Variants in XXYLT1 observed in about 807,000 individuals in gnomAD.
The protein encoded by XXYLT1 is xyloside xylosyltransferase 1.
In XXYLT1, 20 loss-of-function variants were observed where a neutral mutation model predicts 28.9. The ratio of observed to expected loss-of-function variants is 0.69; its 90% CI spans 0.49 to 1.00. XXYLT1 has a LOEUF of 1.00. XXYLT1 is among the 50% of genes least tolerant of loss of function. The probability of loss-of-function intolerance (pLI) is 0.00; values close to 1 mark genes in which losing one functional copy is unlikely to be tolerated. For missense variants in XXYLT1, 542 were observed against 560.1 expected (o/e 0.97, Z 0.33); for synonymous variants, 257 against 253.8 (o/e 1.01, Z -0.12).
chr3:195,169,140 C>T (rs775465233), intron 2 of XXYLT1, among the ~76,000 whole-genome samples: 17 of 151,142 alleles, frequency 1.1e-4, no homozygotes, highest in African/African-American at 3.0e-4. Context: ...CCTGGCTGGC[C>T]GACCATGATG....
intron 2 of XXYLT1, among the ~76,000 whole-genome samples, chr3:195,167,649 CCTT>C (rs1379919521): frequency 6.6e-6 from 1 of 152,324 alleles, no homozygotes; most frequent in South Asian, 2.1e-4. Context: ...TGCCTTCACT[CCTT>C]CTACATTTAT....
intron 2 of XXYLT1, among the ~76,000 whole-genome samples, chr3:195,159,137 A>C (rs1367735526): frequency 2.0e-5 from 3 of 152,224 alleles, no homozygotes; most frequent in Non-Finnish European, 4.4e-5. Context: ...ATCATGAGGA[A>C]GAATGAGAAA....
chr3:195,261,621 T>C (rs1049004377), intron 1 of XXYLT1, among the ~76,000 whole-genome samples: 1 of 152,198 alleles, frequency 6.6e-6, no homozygotes, highest in Non-Finnish European at 1.5e-5. Context: ...AATATGCCCA[T>C]TTCTAGCGAT....
In XXYLT1 at chr3:195,115,194, G is replaced by A. The variant is rs1240379238; in HGVS notation, c.785+41255C>T. 1.3e-5 allele frequency among the ~76,000 whole-genome samples: 2 copies of A among 152,230 alleles called. No individual in the cohort carries two copies. The highest frequency in any genetic ancestry group is 4.8e-5 in the African/African-American group (2 of 41,458). The stretch of plus-strand genomic sequence containing the variant: ...TGTGCTCACATGAGACGTGCCCGGT[G>A]AGAATGTGGCTTCTGGCTGTCACTG... On this transcript the variant is annotated intron_variant, in intron 3 of 3. Coordinates refer to ENST00000310380, the MANE Select transcript of XXYLT1 (RefSeq NM_152531.5). This position sits in a 1 kb window ranked among gnomAD's most constrained non-coding sequence, Gnocchi z 4.2.
rs978626016 is a variant in XXYLT1 at position 195,092,384 on chromosome 3, A to C, written c.786-22273T>G. On this transcript the variant is annotated intron_variant, in intron 3 of 3. Coordinates refer to ENST00000310380, the MANE Select transcript of XXYLT1 (RefSeq NM_152531.5). Reference sequence around the variant, plus strand: ...CTCAGAAATAACGCCGCATGTCTACAACTATCTGATCTTTGACAAACCTGA... The same window carrying C: ...CTCAGAAATAACGCCGCATGTCTACCACTATCTGATCTTTGACAAACCTGA... Among the ~76,000 whole-genome samples the C allele has an allele frequency of 3.9e-4, 59 of 149,452 alleles. 1 individual carries two copies. The highest frequency in any genetic ancestry group is 1.4e-3 in the African/African-American group (57 of 40,660).
intron 1 of XXYLT1, among the ~76,000 whole-genome samples, chr3:195,235,052 CTCTT>C (rs931950539): frequency 6.6e-6 from 1 of 151,648 alleles, no homozygotes; most frequent in African/African-American, 2.4e-5. Context: ...TTCTTTTTTA[CTCTT>C]TCTTTTGTCT....
intron 2 of XXYLT1, among the ~76,000 whole-genome samples, chr3:195,157,545 G>A (rs979685891): frequency 2.6e-5 from 4 of 152,224 alleles, no homozygotes; most frequent in African/African-American, 7.2e-5. Context: ...AGGTGACTCC[G>A]GGCTAGAAGC....
intron 3 of XXYLT1, chr3:195,146,777 C>T (rs1214962531): frequency 1.3e-5 from 2 of 152,554 alleles, no homozygotes; most frequent in Admixed American, 1.3e-4. Context: ...TGGCTAGTCA[C>T]AGGCGTAATC....
intron 3 of XXYLT1, among the ~76,000 whole-genome samples, chr3:195,110,461 T>TGTATGC (rs1560101104): frequency 1.4e-5 from 2 of 145,104 alleles, no homozygotes. Flanking sequence ...GTGTGTGTGG[T>TGTATGC]GTGTGGGTGA....
chr3:195,258,990 C>T (rs1330438155), intron 1 of XXYLT1, among the ~76,000 whole-genome samples: 2 of 152,230 alleles, frequency 1.3e-5, no homozygotes, highest in African/African-American at 4.8e-5. Context: ...AGAGTGACAA[C>T]AGCAGGGTGT....
rs541150358 is a variant in XXYLT1, at chr3:195,193,054, G to C, written c.652+33655C>G. Among the ~76,000 whole-genome samples the C allele has an allele frequency of 2.5e-3, 376 of 152,274 alleles. 1 individual carries two copies. Among genetic ancestry groups the C allele is most frequent in the African/African-American group, 7.9e-3 (327 of 41,560 alleles). ...TAATCCTAGCACTTTAGGAGGCCAA[G>C]GTGGGCAGATCACCTAAAGTCAGAA... On this transcript the variant is annotated intron_variant, in intron 2 of 3. Coordinates refer to ENST00000310380, the MANE Select transcript of XXYLT1 (RefSeq NM_152531.5).
intron 2 of XXYLT1, among the ~76,000 whole-genome samples, chr3:195,199,767 C>T (rs1365549508): frequency 2.0e-5 from 3 of 152,202 alleles, no homozygotes; most frequent in African/African-American, 7.2e-5. Flanking sequence ...CCCAGCCTCG[C>T]AGTGCACTTG....
At chr3:195,251,027 C>T (rs115856251) in intron 1 of XXYLT1, among the ~76,000 whole-genome samples, 1 of 152,232 alleles carries the variant, frequency 6.6e-6, no homozygotes, top group Non-Finnish European at 1.5e-5. Flanking sequence ...TTCCCTCTGT[C>T]GGCATAAATG....
chr3:195,270,341 G>C, intron 1 of XXYLT1: 1 of 1,137,506 alleles, frequency 8.8e-7, no homozygotes, highest in Non-Finnish European at 1.2e-6. Context: ...CATTAAAAAC[G>C]CAGCTCCACT....
At chr3:195,212,903 T>G (rs6776851) in intron 2 of XXYLT1, among the ~76,000 whole-genome samples, 2 of 152,232 alleles carry the variant, frequency 1.3e-5, no homozygotes, top group Non-Finnish European at 2.9e-5. Flanking sequence ...CTGAAGCCAC[T>G]TGTTGGTCAG....
intron 3 of XXYLT1, among the ~76,000 whole-genome samples, chr3:195,146,524 A>G (rs1719859483): frequency 6.6e-6 from 1 of 152,062 alleles, no homozygotes; most frequent in African/African-American, 2.4e-5. Flanking sequence ...GCATAGCCAA[A>G]CCCTCGGCAA....
chr3:195,217,664 G>C (rs1306861076), intron 2 of XXYLT1, among the ~76,000 whole-genome samples: 1 of 150,038 alleles, frequency 6.7e-6, no homozygotes, highest in Non-Finnish European at 1.5e-5. Flanking sequence ...AAATAAAAGA[G>C]GATACAAACA....
intron 1 of XXYLT1, among the ~76,000 whole-genome samples, chr3:195,269,267 T>C (rs1022353397): frequency 6.6e-6 from 1 of 152,194 alleles, no homozygotes; most frequent in South Asian, 2.1e-4. Flanking sequence ...CTCAGTTTTC[T>C]ACCGTGAACT....
intron 1 of XXYLT1, among the ~76,000 whole-genome samples, chr3:195,238,509 T>C (rs1390295202): frequency 6.6e-6 from 1 of 152,228 alleles, no homozygotes; most frequent in Admixed American, 6.5e-5. Context: ...ACTGGCCACA[T>C]GACAGGCCAC....
Sources: gnomAD v4.1 joint callset for allele counts (sites outside exome capture counted in the v4.1 genomes callset) on GRCh38, gnomAD v4.1.1 for gene constraint, Gnocchi (gnomAD v3.1) non-coding constraint, MANE v1.5 for transcripts, NCBI Gene and HGNC (gene_info 2026-07-23, HGNC 2026-07-21) for gene names.